Variants in TLCD4 observed in about 807,000 individuals in gnomAD.
TLCD4 encodes TLC domain containing 4, also known as TLC domain-containing protein 4.
In TLCD4, 7 loss-of-function variants were observed where a neutral mutation model predicts 24.2. That is an observed-to-expected ratio of 0.29 (90% CI 0.16 to 0.54). The LOEUF is 0.54. TLCD4 is among the 20% of genes least tolerant of loss of function. TLCD4 has a pLI of 0.95. For missense variants in TLCD4, 259 were observed against 313.9 expected (o/e 0.82, Z 1.32); for synonymous variants, 103 against 106.4 (o/e 0.97, Z 0.20).
chr1:95,115,925 G>C (rs1443952525), upstream of TLCD4, among the ~76,000 whole-genome samples: 3 of 152,188 alleles, frequency 2.0e-5, no homozygotes, highest in Admixed American at 6.6e-5. Context: ...TGCCCACAGA[G>C]AGTTATGAAA....
chr1:95,112,679 C>G (rs1341264581), upstream of TLCD4, among the ~76,000 whole-genome samples: 1 of 152,144 alleles, frequency 6.6e-6, no homozygotes, highest in Admixed American at 6.5e-5. Flanking sequence ...AGAATGAAGA[C>G]ATTTTCAGAC....
the TLCD4 span, among the ~76,000 whole-genome samples, chr1:95,093,933 A>C: frequency 6.6e-6 from 1 of 152,178 alleles, no homozygotes; most frequent in Non-Finnish European, 1.5e-5. Context: ...GACCCTGTGC[A>C]ATGTGACTTT....
intron 5 of TLCD4, among the ~76,000 whole-genome samples, chr1:95,169,045 C>T (rs11165331): frequency 0.21 from 31,782 of 152,062 alleles, 3,395 homozygotes; most frequent in Admixed American, 0.25. Flanking sequence ...TTGCTCAGCG[C>T]AGTTTCTGAG....
At chr1:95,108,746 C>G in the TLCD4 span, among the ~76,000 whole-genome samples, 3 of 152,196 alleles carry the variant, frequency 2.0e-5, no homozygotes, top group African/African-American at 7.2e-5. Context: ...TCCATTTATT[C>G]AAGTGTCCAT....
intron 5 of TLCD4, chr1:95,164,876 A>T (rs1029180215): frequency 1.3e-5 from 2 of 152,094 alleles, no homozygotes; most frequent in African/African-American, 4.8e-5. Context: ...CCCAGATTAC[A>T]TTTTCTGTGT....
intron 1 of TLCD4, among the ~76,000 whole-genome samples, chr1:95,131,336 A>G (rs1676884076): frequency 6.6e-6 from 1 of 152,138 alleles, no homozygotes; most frequent in Non-Finnish European, 1.5e-5. Flanking sequence ...GGAGTTAGGG[A>G]ATAGGATGTG....
intron 5 of TLCD4, chr1:95,163,459 C>T (rs557736532): frequency 1.3e-5 from 2 of 152,076 alleles, no homozygotes; most frequent in East Asian, 1.9e-4. Flanking sequence ...TCCTTTAGCT[C>T]GGAGAAGTTT....
At chr1:95,158,493 T>G (rs1677693043) in intron 5 of TLCD4, among the ~76,000 whole-genome samples, 1 of 126,064 alleles carries the variant, frequency 7.9e-6, no homozygotes, top group Admixed American at 8.1e-5. Flanking sequence ...TCTTGATACT[T>G]CATTTATTTA....
At chr1:95,101,410 A>AGTGTGTGTGTGTGT in the TLCD4 span, among the ~76,000 whole-genome samples, 51 of 142,744 alleles carry the variant, frequency 3.6e-4, no homozygotes, top group Non-Finnish European at 7.3e-4. Context: ...GACTAATTAA[A>AGTGTGTGTGTGTGT]GTGTGTGTGT....
chr1:95,118,144 C>G (rs1224455744), intron 1 of TLCD4: 2 of 152,280 alleles, frequency 1.3e-5, no homozygotes, highest in East Asian at 1.9e-4. Flanking sequence ...TCTTATTTAC[C>G]CTTGCAGTTC....
Position 95,192,977 on chromosome 1 carries a change from T to A in TLCD4, c.*1109T>A, listed in dbSNP as rs1294943111. On this transcript the variant is annotated 3_prime_UTR_variant, in exon 7 of 7. Coordinates refer to ENST00000370203, the MANE Select transcript of TLCD4 (RefSeq NM_152487.3). ...TCATTAAGAAAGAAAGTTTTAACAC[T>A]GTTTATCCCTATCTGCTTTCCTTGC... is the stretch of plus-strand genomic sequence containing the variant. 6.6e-6 allele frequency: 1 copy of A among 152,192 alleles called. No homozygotes were observed. The highest frequency in any genetic ancestry group is 2.4e-5 in the African/African-American group (1 of 41,458). The allele number at this position is 152,192 out of a possible 1,614,324, so 9.4% of individuals were successfully genotyped here.
the TLCD4 span, among the ~76,000 whole-genome samples, chr1:95,098,137 G>T: frequency 1.3e-5 from 2 of 152,142 alleles, no homozygotes; most frequent in African/African-American, 2.4e-5. Context: ...CCTCATAATA[G>T]CCCTTTATTA....
At position 95,145,645 on chromosome 1, in the gene TLCD4, G is replaced by A. The variant is rs72722127; in HGVS notation, c.155+1589G>A. On this transcript the variant is annotated intron_variant, in intron 2 of 6. Coordinates refer to ENST00000370203, the MANE Select transcript of TLCD4 (RefSeq NM_152487.3). ...GTAGGAAAGAGAAGGGGGTACATACGTTCTCTGATTAAATGTTGAACTATT... is the reference window on the plus strand; with the variant it reads ...GTAGGAAAGAGAAGGGGGTACATACATTCTCTGATTAAATGTTGAACTATT... Among the ~76,000 whole-genome samples, 1,143 of 152,218 alleles carry A rather than the reference G, an allele frequency of 7.5e-3. 7 individuals are homozygous for A. The highest frequency in any genetic ancestry group is 0.016 in the African/African-American group (678 of 41,524).
At position 95,139,393 on chromosome 1, in the gene TLCD4, CAAT is replaced by C. The variant is rs756685876; in HGVS notation, c.-11-4495_-11-4493del. On this transcript the variant is annotated intron_variant, in intron 1 of 6. Transcript: ENST00000370203. Reference sequence around the variant, plus strand: ...AATTGATTTTAAAAATTTCTTTTTTCAATAAATTAACCTTAGCTTAGTTTCTTT... The same window carrying C: ...AATTGATTTTAAAAATTTCTTTTTTCAAATTAACCTTAGCTTAGTTTCTTT... Among the ~76,000 whole-genome samples, 37 of 146,966 alleles carry C rather than the reference CAAT, an allele frequency of 2.5e-4. No individual in the cohort carries two copies. In the East Asian group the frequency reaches 3.6e-3, roughly 14 times the overall value.
chr1:95,138,054 G>A (rs11165318), intron 1 of TLCD4, among the ~76,000 whole-genome samples: 10,595 of 152,126 alleles, frequency 0.07, 493 homozygotes, highest in East Asian at 0.2. Flanking sequence ...TTGGGCTCCA[G>A]CCTAAAAGCA....
At chr1:95,132,988 T>G (rs1676936490) in intron 1 of TLCD4, among the ~76,000 whole-genome samples, 1 of 152,058 alleles carries the variant, frequency 6.6e-6, no homozygotes, top group African/African-American at 2.4e-5. Context: ...TGGAGTGTGG[T>G]GAAGTGTCAG....
the TLCD4 span, among the ~76,000 whole-genome samples, chr1:95,103,328 A>T: frequency 6.6e-6 from 1 of 152,158 alleles, no homozygotes; most frequent in Non-Finnish European, 1.5e-5. Context: ...TTTAATCAAC[A>T]GAAGATGTTT....
At chr1:95,117,957 C>T (rs1232370848) in intron 1 of TLCD4, 1 of 152,282 alleles carries the variant, frequency 6.6e-6, no homozygotes, top group African/African-American at 2.4e-5. Flanking sequence ...GTTTCTCGGG[C>T]TGCACGATTC....
chr1:95,102,556 C>T, the TLCD4 span, among the ~76,000 whole-genome samples: 34 of 152,190 alleles, frequency 2.2e-4, no homozygotes, highest in East Asian at 5.6e-3. Context: ...TTTGAAGAAC[C>T]TGGGAAAACA....
Sources: allele counts gnomAD v4.1 joint callset (sites outside exome capture counted in the v4.1 genomes callset), GRCh38; gene constraint gnomAD v4.1.1; transcripts MANE v1.5; gene names NCBI Gene and HGNC (gene_info 2026-07-23, HGNC 2026-07-21).